PDE7B: variants seen among roughly 807,000 people sequenced by gnomAD.
PDE7B encodes phosphodiesterase 7B.
Under a neutral mutation model 56.2 loss-of-function variants are expected in PDE7B, and 29 were observed. The ratio of observed to expected loss-of-function variants is 0.52; its 90% CI spans 0.38 to 0.70. PDE7B has a LOEUF of 0.70. Ranked by LOEUF, PDE7B falls within the 30% of genes least tolerant of loss-of-function variation. The pLI, the probability that PDE7B is intolerant of heterozygous loss-of-function variation, is 0.00. For missense variants in PDE7B, 490 were observed against 565.0 expected (o/e 0.87, Z 1.35); for synonymous variants, 197 against 196.9 (o/e 1.00, Z 0.00).
At chr6:135,908,115 T>A (rs1776148006) in intron 1 of PDE7B, among the ~76,000 whole-genome samples, 2 of 150,704 alleles carry the variant, frequency 1.3e-5, no homozygotes, top group Non-Finnish European at 3.0e-5. Flanking sequence ...TGAGACGGAG[T>A]TTTGCTCTTG....
At chr6:135,909,651 A>G (rs976123761) in intron 1 of PDE7B, among the ~76,000 whole-genome samples, 4 of 152,166 alleles carry the variant, frequency 2.6e-5, no homozygotes, top group Admixed American at 2.0e-4. Context: ...TTCTCTTTGT[A>G]TGATAGTTCA....
At chr6:136,155,326 A>G (rs975477515) in intron 7 of PDE7B, among the ~76,000 whole-genome samples, 1 of 152,230 alleles carries the variant, frequency 6.6e-6, no homozygotes, top group Admixed American at 6.5e-5. Flanking sequence ...TCCACCCAAC[A>G]GCACTGTTGC....
In PDE7B at chr6:135,961,283, G is replaced by GTGTGTGTA. The variant is rs1554269797; in HGVS notation, c.82+13766_82+13767insATGTGTGT. 9.8e-3 allele frequency among the ~76,000 whole-genome samples: 1,022 copies of GTGTGTGTA among 104,116 alleles called. 9 individuals are homozygous for GTGTGTGTA. The highest frequency in any genetic ancestry group is 0.037 in the African/African-American group (960 of 26,220). The allele number at this position is 104,116 out of a possible 152,430, so 68.3% of individuals were successfully genotyped here. ...TGTGTGTGTGTGTGTGTGTGTGTAT[G>GTGTGTGTA]TGTGTGTGTGTGTGTGTGTGTGTGT... is the stretch of plus-strand genomic sequence containing the variant. On this transcript the variant is annotated intron_variant, in intron 2 of 12. Transcript: ENST00000308191.
intron 2 of PDE7B, among the ~76,000 whole-genome samples, chr6:135,950,039 G>A (rs918984069): frequency 3.9e-5 from 6 of 151,942 alleles, no homozygotes; most frequent in African/African-American, 1.5e-4. Context: ...AAATCATTAT[G>A]GATATCAATA....
chr6:135,884,384 T>G (rs909511839), intron 1 of PDE7B, among the ~76,000 whole-genome samples: 8 of 152,246 alleles, frequency 5.3e-5, no homozygotes, highest in African/African-American at 1.9e-4. Context: ...AGGTTCTTTC[T>G]TCTAGTCATC....
chr6:135,947,472 C>T lies in PDE7B; in HGVS notation c.30C>T (p.Gly10=), dbSNP rs373329929. Reference sequence around the variant, plus strand: ...CTATCTTTCTATTTCAGAGGTGTGGCGAAATCTTGTTTGAGAACCCCGATC... The same window carrying T: ...CTATCTTTCTATTTCAGAGGTGTGGTGAAATCTTGTTTGAGAACCCCGATC... MSCLMVERC[G]EILFENPDQN... Residue 10 remains glycine, a synonymous_variant, in exon 2 of 13, where the codon GGC becomes GGT. Coordinates refer to ENST00000308191, the MANE Select transcript of PDE7B (RefSeq NM_018945.4). The T allele has an allele frequency of 2.5e-5, 41 of 1,610,992 alleles. No individual in the cohort carries two copies. Among genetic ancestry groups the T allele is most frequent in the African/African-American group, 1.1e-4 (8 of 74,800 alleles).
At chr6:135,928,019 C>G (rs1296694951) in intron 1 of PDE7B, among the ~76,000 whole-genome samples, 3 of 151,776 alleles carry the variant, frequency 2.0e-5, no homozygotes, top group African/African-American at 4.8e-5. Flanking sequence ...ATGCAGCCAG[C>G]AAATATATGA....
chr6:136,117,798 A>T lies in PDE7B; in HGVS notation c.166+8984A>T, dbSNP rs76865865. Among the ~76,000 whole-genome samples the T allele has an allele frequency of 9.2e-5, 14 of 152,274 alleles. No homozygotes were observed. In the East Asian group the frequency reaches 2.7e-3, roughly 29 times the overall value. ...CTGGAAGCACAGGAGGATTGCTGTG[A>T]ATACTAAAAATAAAAATGAGTCCCT... On this transcript the variant is annotated intron_variant, in intron 3 of 12. Coordinates refer to ENST00000308191, the MANE Select transcript of PDE7B (RefSeq NM_018945.4).
Position 136,173,879 on chromosome 6 carries a change from A to T in PDE7B, c.794A>T (p.Lys265Met). The T allele has an allele frequency of 6.2e-7, 1 of 1,608,754 alleles. No individual in the cohort carries two copies. The highest frequency in any genetic ancestry group is 8.5e-7 in the Non-Finnish European group (1 of 1,175,250). ...RESRLLAHLP[K>M]EMTQDIEQQL... ...TCAAGGCTTCTTGCTCATTTGCCAA[A>T]GGAAATGACGTAAGTGCTGCCGAGA... The change falls in exon 9 of 13, where the codon AAG becomes ATG. Residue 265 changes from lysine to methionine, a missense_variant. Coordinates refer to ENST00000308191, the MANE Select transcript of PDE7B (RefSeq NM_018945.4).
At position 135,872,142 on chromosome 6, in the gene PDE7B, G is replaced by C. The variant is rs964428761; in HGVS notation, c.21+20123G>C. On this transcript the variant is annotated intron_variant, in intron 1 of 12. Transcript: ENST00000308191. ...CTAATTCCAGCCTTTTTAAAGGCTT[G>C]GTGCTTGCAGCAAAGAGTTCAGTTG... 2.9e-4 allele frequency among the ~76,000 whole-genome samples: 44 copies of C among 152,150 alleles called. 1 individual carries two copies. Among genetic ancestry groups the C allele is most frequent in the African/African-American group, 9.9e-4 (41 of 41,436 alleles).
At chr6:135,887,911 A>G (rs552826993) in intron 1 of PDE7B, among the ~76,000 whole-genome samples, 69 of 152,226 alleles carry the variant, frequency 4.5e-4, no homozygotes, top group African/African-American at 1.6e-3. Flanking sequence ...CTGTAATCCA[A>G]TCATGATTTA....
intron 1 of PDE7B, among the ~76,000 whole-genome samples, chr6:135,946,281 T>TTA (rs1319923725): frequency 1.1e-4 from 16 of 151,220 alleles, no homozygotes; most frequent in East Asian, 7.7e-4. Context: ...TATATACATA[T>TTA]TATATATATA....
At chr6:135,919,531 A>G (rs1456539552) in intron 1 of PDE7B, among the ~76,000 whole-genome samples, 2 of 152,234 alleles carry the variant, frequency 1.3e-5, no homozygotes, top group Non-Finnish European at 2.9e-5. Flanking sequence ...TGACAGTAGT[A>G]CATCCCTACT....
At chr6:136,098,149 A>AAAAAAAATAT (rs1311774244) in intron 2 of PDE7B, 236 of 135,540 alleles carry the variant, frequency 1.7e-3, no homozygotes, top group African/African-American at 6.3e-3. Context: ...GGGGGGGGGA[A>AAAAAAAATAT]ATATATGTAT....
At chr6:135,961,281 A>ATGTGTGTGTGTGTGTGTGTGTGTGTGTG (rs771473679) in intron 2 of PDE7B, among the ~76,000 whole-genome samples, 2 of 89,410 alleles carry the variant, frequency 2.2e-5, no homozygotes, top group Admixed American at 1.4e-4. Context: ...GTGTGTGTGT[A>ATGTGTGTGTGTGTGTGTGTGTGTGTGTG]TGTGTGTGTG....
In PDE7B at chr6:136,179,245, G is replaced by A. The variant is rs913698416; in HGVS notation, c.948+104G>A. 27 of 998,140 alleles carry A rather than the reference G, an allele frequency of 2.7e-5. 1 individual carries two copies. In the South Asian group the frequency reaches 4.0e-4, roughly 15 times the overall value. 61.8% of individuals were successfully genotyped at this position (998,140 alleles called of 1,614,324 possible). On this transcript the variant is annotated intron_variant, in intron 10 of 12. Transcript: ENST00000308191. ...AGTCCCAGCTACTTGGGAGGCTGAG[G>A]CATGGGGATCACTTGAGTCCATGAG...
intron 1 of PDE7B, among the ~76,000 whole-genome samples, chr6:135,939,892 G>A (rs150437614): frequency 2.0e-3 from 308 of 152,220 alleles, no homozygotes; most frequent in African/African-American, 6.8e-3. Context: ...GATGGCAGCC[G>A]GTATCACTGG....
chr6:136,162,132 A>G (rs1409923856), intron 8 of PDE7B: 1 of 152,164 alleles, frequency 6.6e-6, no homozygotes, highest in Non-Finnish European at 1.5e-5. Context: ...TCTAAGTTAT[A>G]TTTCATACTG....
At chr6:136,140,042 G>A (rs1443637707) in intron 3 of PDE7B, among the ~76,000 whole-genome samples, 1 of 152,122 alleles carries the variant, frequency 6.6e-6, no homozygotes, top group Non-Finnish European at 1.5e-5. Context: ...TGAAGTTCTT[G>A]CCCATGCCTA....
Sources: gnomAD v4.1 joint callset for allele counts (sites outside exome capture counted in the v4.1 genomes callset) on GRCh38, gnomAD v4.1.1 for gene constraint, MANE v1.5 for transcripts, NCBI Gene and HGNC (gene_info 2026-07-23, HGNC 2026-07-21) for gene names.